Variants in SLC44A3 observed in about 807,000 individuals in gnomAD.
SLC44A3 encodes choline transporter-like protein 3.
SLC44A3 carries 74 observed loss-of-function variants against 75.4 expected under a neutral mutation model. That is an observed-to-expected ratio of 0.98 (90% CI 0.81 to 1.19). SLC44A3 has a LOEUF of 1.19. Among genes scored for constraint, SLC44A3 ranks in the 50% most tolerant of loss-of-function variants. SLC44A3 has a pLI of 0.00. For synonymous variants in SLC44A3, 310 were observed against 296.9 expected (o/e 1.04, Z -0.45); for missense variants, 700 against 778.6 (o/e 0.90, Z 1.20).
chr1:94,891,738 C>A (rs1460980343), intron 13 of SLC44A3, among the ~76,000 whole-genome samples: 1 of 152,086 alleles, frequency 6.6e-6, no homozygotes, highest in Non-Finnish European at 1.5e-5. Context: ...GCCTGGCCAA[C>A]ATGGGAAAAC....
chr1:94,865,024 C>T, intron 11 of SLC44A3, 125 bp downstream of exon 11: 1 of 918,616 alleles, frequency 1.1e-6, no homozygotes, highest in Non-Finnish European at 1.6e-6. Context: ...GCAGAAAGCT[C>T]CTGCACTCCT....
intron 11 of SLC44A3, among the ~76,000 whole-genome samples, chr1:94,865,855 G>A (rs1221442211): frequency 6.6e-6 from 1 of 152,168 alleles, no homozygotes; most frequent in East Asian, 1.9e-4. Context: ...TTTTTAAAAA[G>A]ATATCTGAAT....
rs1553213596 is a variant in SLC44A3 at position 94,891,282 on chromosome 1, CTAAA to C, written c.1620+20_1620+23del. 1.3e-6 allele frequency: 2 copies of C among 1,592,682 alleles called. No homozygotes were observed. The highest frequency in any genetic ancestry group is 1.4e-5 in the African/African-American group (1 of 73,446). Reference sequence around the variant, plus strand: ...TTCTAGGAAAGGTGAGATATCTTGACTAAATAAAGGAGCCTGGGATTCTGAAAAT... The same window carrying C: ...TTCTAGGAAAGGTGAGATATCTTGACTAAAGGAGCCTGGGATTCTGAAAAT... On this transcript the variant is annotated intron_variant, in intron 13 of 14. Transcript: ENST00000271227.
chr1:94,854,598 A>G (rs544072413), intron 9 of SLC44A3, among the ~76,000 whole-genome samples: 12 of 152,198 alleles, frequency 7.9e-5, no homozygotes, highest in Non-Finnish European at 1.8e-4. Flanking sequence ...GTGCCTAAGC[A>G]CGTCTACCCC....
At chr1:94,875,177 C>T (rs1420839185) in intron 12 of SLC44A3, among the ~76,000 whole-genome samples, 1 of 152,204 alleles carries the variant, frequency 6.6e-6, no homozygotes, top group African/African-American at 2.4e-5. Context: ...GCTGCTCCCT[C>T]CAAATTTGCC....
At chr1:94,834,343 A>G (rs1662505608) in intron 5 of SLC44A3, among the ~76,000 whole-genome samples, 1 of 152,254 alleles carries the variant, frequency 6.6e-6, no homozygotes, top group Non-Finnish European at 1.5e-5. Flanking sequence ...AAAAGGACAC[A>G]GATGACTCGT....
intron 2 of SLC44A3, among the ~76,000 whole-genome samples, chr1:94,822,585 G>T (rs368859113): frequency 6.6e-6 from 1 of 152,194 alleles, no homozygotes; most frequent in East Asian, 1.9e-4. Flanking sequence ...GCTGGACAAA[G>T]GCTTGGGGGA....
chr1:94,823,026 A>G (rs566421943), intron 2 of SLC44A3, among the ~76,000 whole-genome samples: 1 of 152,308 alleles, frequency 6.6e-6, no homozygotes, highest in East Asian at 1.9e-4. Flanking sequence ...TCATAAAGTC[A>G]TAGTTTTATT....
In SLC44A3 at chr1:94,894,901, A is replaced by G. The variant is rs1426644826; in HGVS notation, c.1941A>G (p.Glu647=). The G allele has an allele frequency of 6.2e-7, 1 of 1,611,304 alleles. No homozygotes were observed. The highest frequency in any genetic ancestry group is 8.5e-7 in the Non-Finnish European group (1 of 1,178,312). The part of the protein sequence containing the change: ...KHSLRNEEGT[E]LQAIVR ...CATTAAGGAATGAGGAGGGAACAGA[A>G]CTCCAGGCCATTGTGAGATAGATAC... Residue 647 remains glutamate, a synonymous_variant, in exon 15 of 15, where the codon GAA becomes GAG. Coordinates refer to ENST00000271227, the MANE Select transcript of SLC44A3 (RefSeq NM_001114106.3).
At position 94,846,436 on chromosome 1, in the gene SLC44A3, C is replaced by G. The variant is rs139566206; in HGVS notation, c.1072+972C>G. On this transcript the variant is annotated intron_variant, in intron 9 of 14. Transcript: ENST00000271227. ...AGGGCAAGCATATTCTAAAGCAGCA[C>G]TATTCAGAGTGCAGTCTGAAGCCAG... Among the ~76,000 whole-genome samples the G allele has an allele frequency of 1.6e-3, 243 of 152,296 alleles. 1 individual carries two copies. Among genetic ancestry groups the G allele is most frequent in the African/African-American group, 5.5e-3 (229 of 41,562 alleles).
chr1:94,879,849 A>G (rs993955081), intron 12 of SLC44A3, among the ~76,000 whole-genome samples: 1 of 151,856 alleles, frequency 6.6e-6, no homozygotes, highest in African/African-American at 2.4e-5. Context: ...AAAAAAAAAA[A>G]AAAAGAAAAA....
At chr1:94,877,406 C>T (rs1325164968) in intron 12 of SLC44A3, among the ~76,000 whole-genome samples, 1 of 152,110 alleles carries the variant, frequency 6.6e-6, no homozygotes. Flanking sequence ...CCACCTGGCC[C>T]CCTAACCTTA....
At chr1:94,856,399 G>C (rs888036888) in intron 9 of SLC44A3, among the ~76,000 whole-genome samples, 1 of 152,182 alleles carries the variant, frequency 6.6e-6, no homozygotes, top group Non-Finnish European at 1.5e-5. Context: ...GTAAAGCTGG[G>C]ATCTGAACCT....
intron 14 of SLC44A3, 42 bp from the exon 15 acceptor site, chr1:94,894,776 C>A: frequency 6.5e-7 from 1 of 1,534,056 alleles, no homozygotes; most frequent in Non-Finnish European, 8.9e-7. Flanking sequence ...ATCAACAGTA[C>A]AGACACATAA....
chr1:94,854,895 A>AGCCCCC (rs1665680564), intron 9 of SLC44A3, among the ~76,000 whole-genome samples: 1 of 151,730 alleles, frequency 6.6e-6, no homozygotes, highest in African/African-American at 2.4e-5. Context: ...CCCCAGCCCC[A>AGCCCCC]GCCCCAGCGA....
intron 10 of SLC44A3, among the ~76,000 whole-genome samples, chr1:94,861,385 G>C (rs1000752905): frequency 2.0e-5 from 3 of 152,102 alleles, no homozygotes; most frequent in African/African-American, 7.2e-5. Flanking sequence ...GTGGAAGTGA[G>C]TTCTCTAATA....
chr1:94,841,950 G>A (rs775070663), intron 7 of SLC44A3, 50 bp from the exon 8 acceptor site: 2 of 1,557,830 alleles, frequency 1.3e-6, no homozygotes, highest in Admixed American at 2.0e-5. Context: ...GCTGGGGAAA[G>A]GTTACCTCAT....
intron 9 of SLC44A3, among the ~76,000 whole-genome samples, chr1:94,848,093 G>A (rs987305520): frequency 1.3e-5 from 2 of 152,144 alleles, no homozygotes; most frequent in Non-Finnish European, 2.9e-5. Context: ...GCCGGGCGTG[G>A]TGGCGGGCGC....
At chr1:94,844,329 AC>A (rs1278491630) in intron 8 of SLC44A3, among the ~76,000 whole-genome samples, 4 of 152,206 alleles carry the variant, frequency 2.6e-5, no homozygotes, top group African/African-American at 9.6e-5. Context: ...TAGGACATCC[AC>A]GGCCTTGTCA....
Sources: gnomAD v4.1 joint callset for allele counts (sites outside exome capture counted in the v4.1 genomes callset) on GRCh38, gnomAD v4.1.1 for gene constraint, MANE v1.5 for transcripts, NCBI Gene and HGNC (gene_info 2026-07-23, HGNC 2026-07-21) for gene names.